Variants in TSHZ2 observed in about 807,000 individuals in gnomAD.
The protein encoded by TSHZ2 is teashirt homolog 2.
In TSHZ2, 21 loss-of-function variants were observed where a neutral mutation model predicts 74.4. That is an observed-to-expected ratio of 0.28 (90% confidence interval 0.20 to 0.41). The LOEUF (loss-of-function observed/expected upper bound fraction) is 0.41, where lower values mean the gene tolerates loss of function less well. TSHZ2 is among the 10% of genes least tolerant of loss of function. The pLI is 1.00. For synonymous variants in TSHZ2, 540 were observed against 515.3 expected, an observed-to-expected ratio of 1.05 and a Z score of -0.65; for missense variants, 1,244 against 1,293.5, an observed-to-expected ratio of 0.96 and a Z score of 0.59.
At chr20:53,334,881 A>G (rs779924071) in intron 2 of TSHZ2, among the ~76,000 whole-genome samples, 42 of 152,062 alleles carry the variant, frequency 2.8e-4, no homozygotes, top group Non-Finnish European at 5.0e-4. Flanking sequence ...ACTGGGTTTC[A>G]CCATATTAGC....
At chr20:53,004,086 C>A (rs1220129743) in intron 1 of TSHZ2, among the ~76,000 whole-genome samples, 4 of 152,006 alleles carry the variant, frequency 2.6e-5, no homozygotes, top group Non-Finnish European at 5.9e-5. Context: ...CTTTCTTTTT[C>A]TAGTATAATA....
At chr20:53,031,264 T>G (rs1983626350) in intron 1 of TSHZ2, among the ~76,000 whole-genome samples, 1 of 152,254 alleles carries the variant, frequency 6.6e-6, no homozygotes, top group African/African-American at 2.4e-5. Flanking sequence ...GCCTGTCATG[T>G]CTGGGGCCTG....
At chr20:53,177,574 A>G (rs1266216598) in intron 1 of TSHZ2, among the ~76,000 whole-genome samples, 1 of 152,206 alleles carries the variant, frequency 6.6e-6, no homozygotes, top group African/African-American at 2.4e-5. Flanking sequence ...TAGGTCTTCC[A>G]TGAATCCTTG....
intron 2 of TSHZ2, among the ~76,000 whole-genome samples, chr20:53,404,371 T>G (rs1485320504): frequency 2.6e-5 from 4 of 152,240 alleles, no homozygotes; most frequent in Non-Finnish European, 5.9e-5. Flanking sequence ...TCACATCATG[T>G]TACATCTATT....
In TSHZ2 at chr20:53,167,518, C is replaced by T. The variant is rs186236821; in HGVS notation, c.41-85981C>T. On this transcript the variant is annotated intron_variant, in intron 1 of 2. Transcript: ENST00000371497. Reference sequence around the variant, plus strand: ...GCTGTGCTGAGATCAGACTTTGTGTCAGGGTGGAGAATGGTAGGGAGTAAT... The same window carrying T: ...GCTGTGCTGAGATCAGACTTTGTGTTAGGGTGGAGAATGGTAGGGAGTAAT... Among the ~76,000 whole-genome samples the T allele has an allele frequency of 5.3e-5, 8 of 152,144 alleles. No individual in the cohort carries two copies. In the East Asian group the frequency reaches 1.5e-3, roughly 29 times the overall value.
At chr20:53,145,136 T>C (rs1987508676) in intron 1 of TSHZ2, among the ~76,000 whole-genome samples, 1 of 152,178 alleles carries the variant, frequency 6.6e-6, no homozygotes. Flanking sequence ...AGAGTTATAA[T>C]GTTCGCCTCA....
chr20:53,077,410 CA>C (rs11470532), intron 1 of TSHZ2, among the ~76,000 whole-genome samples: 86,929 of 136,858 alleles, frequency 0.64, 27,566 homozygotes, highest in East Asian at 0.83. Context: ...GACTCTACCT[CA>C]AAAAAAAAAA....
intron 2 of TSHZ2, among the ~76,000 whole-genome samples, chr20:53,485,170 C>T (rs1986259859): frequency 2.6e-5 from 4 of 152,148 alleles, no homozygotes; most frequent in Admixed American, 2.6e-4. Context: ...AGAATTTAAG[C>T]CTATGAAAAT....
chr20:53,467,994 AC>A (rs543832321), intron 2 of TSHZ2, among the ~76,000 whole-genome samples: 76 of 152,330 alleles, frequency 5.0e-4, no homozygotes, highest in Middle Eastern at 3.4e-3. Context: ...CTAAAAAAAA[AC>A]ATTCTTTCTG....
intron 2 of TSHZ2, among the ~76,000 whole-genome samples, chr20:53,442,447 G>A (rs1984371290): frequency 6.6e-6 from 1 of 152,134 alleles, no homozygotes; most frequent in Non-Finnish European, 1.5e-5. Context: ...CGACTGCTGA[G>A]CGGGGGCTTA....
chr20:53,409,766 T>C (rs1188341933), intron 2 of TSHZ2, among the ~76,000 whole-genome samples: 2 of 151,060 alleles, frequency 1.3e-5, no homozygotes, highest in Admixed American at 1.3e-4. Flanking sequence ...ATTTAGCATC[T>C]GGGCCTTGCA....
chr20:53,273,581 G>A (rs964196665), intron 2 of TSHZ2, among the ~76,000 whole-genome samples: 3 of 152,164 alleles, frequency 2.0e-5, no homozygotes, highest in African/African-American at 2.4e-5. Context: ...GAGCCACCAC[G>A]CCCAGCCTAC....
rs1482072947 is a variant in TSHZ2, at chr20:53,105,157, A to G, written c.40+131824A>G. Among the ~76,000 whole-genome samples the G allele has an allele frequency of 2.0e-5, 3 of 152,360 alleles. No individual in the cohort carries two copies. The East Asian group carries it at 5.8e-4, about 29-fold the overall frequency. Reference sequence around the variant, plus strand: ...CTAAGGAACACGAGAGTCTGTCTTCAGAGCCAAGATGCCCCAGACCCGGAA... The same window carrying G: ...CTAAGGAACACGAGAGTCTGTCTTCGGAGCCAAGATGCCCCAGACCCGGAA... On this transcript the variant is annotated intron_variant, in intron 1 of 2. Coordinates refer to ENST00000371497, the MANE Select transcript of TSHZ2 (RefSeq NM_173485.6).
chr20:53,179,099 ACG>A (rs1299380628), intron 1 of TSHZ2: 1 of 152,070 alleles, frequency 6.6e-6, no homozygotes, highest in Non-Finnish European at 1.5e-5. Context: ...TTCTCATTGA[ACG>A]GGAAACATTT....
intron 2 of TSHZ2, among the ~76,000 whole-genome samples, chr20:53,448,977 C>T (rs1984664881): frequency 6.6e-6 from 1 of 152,048 alleles, no homozygotes; most frequent in Non-Finnish European, 1.5e-5. Context: ...AACTCTCCCA[C>T]ACACAAAAAA....
intron 1 of TSHZ2, among the ~76,000 whole-genome samples, chr20:52,996,797 C>T (rs796654620): frequency 3.3e-5 from 5 of 152,212 alleles, no homozygotes; most frequent in African/African-American, 1.2e-4. Context: ...TGCATGTGCT[C>T]GTGGCTGAAT....
chr20:52,976,130 A>G (rs535382291), intron 1 of TSHZ2, among the ~76,000 whole-genome samples: 6 of 152,358 alleles, frequency 3.9e-5, no homozygotes, highest in Admixed American at 2.6e-4. Context: ...CAAGGAATCA[A>G]TTACAGAACT....
Position 53,025,003 on chromosome 20 carries a change from C to T in TSHZ2, c.40+51670C>T, listed in dbSNP as rs1261494632. On this transcript the variant is annotated intron_variant, in intron 1 of 2. Coordinates refer to ENST00000371497, the MANE Select transcript of TSHZ2 (RefSeq NM_173485.6). ...TTGCAGGTAAATTTTAAGCATGCAA[C>T]CCTAAAATATGTATATCGTGTGTAA... is the stretch of plus-strand genomic sequence containing the variant. 5.9e-5 allele frequency among the ~76,000 whole-genome samples: 9 copies of T among 151,968 alleles called. No individual in the cohort carries two copies. The East Asian group carries it at 1.7e-3, about 29-fold the overall frequency.
At chr20:53,250,174 G>A (rs186917067) in intron 1 of TSHZ2, among the ~76,000 whole-genome samples, 4 of 152,140 alleles carry the variant, frequency 2.6e-5, no homozygotes, top group Non-Finnish European at 4.4e-5. Flanking sequence ...TTTGATCTTC[G>A]ACCCCCAATC....
Sources: allele counts gnomAD v4.1 joint callset (sites outside exome capture counted in the v4.1 genomes callset), GRCh38; gene constraint gnomAD v4.1.1; transcripts MANE v1.5; gene names NCBI Gene and HGNC (gene_info 2026-07-23, HGNC 2026-07-21).